TMEM242: variants seen among roughly 807,000 people sequenced by gnomAD.
The protein encoded by TMEM242 is transmembrane protein 242.
Under a neutral mutation model 18.2 loss-of-function variants are expected in TMEM242, and 10 were observed. The observed-to-expected ratio is 0.55, with a 90% CI of 0.34 to 0.93. The LOEUF (loss-of-function observed/expected upper bound fraction) is 0.93, where lower values mean the gene tolerates loss of function less well. TMEM242 is among the 40% of genes least tolerant of loss of function. TMEM242 has a pLI of 0.02. For synonymous variants in TMEM242, 57 were observed against 69.9 expected (o/e 0.81, Z 0.92); for missense variants, 186 against 175.5 (o/e 1.06, Z -0.34).
rs1554249466 is a variant in TMEM242 at position 157,312,867 on chromosome 6, C to A, written c.327+5915G>T. ...ACTCACCTGGCCTCATCATAGTGTC[C>A]CAGTGTGCACTCACCTAGCCTCATC... On this transcript the variant is annotated intron_variant, in intron 3 of 3. Coordinates refer to ENST00000400788, the MANE Select transcript of TMEM242 (RefSeq NM_018452.6). Among the ~76,000 whole-genome samples the A allele has an allele frequency of 4.6e-5, 7 of 151,044 alleles. No homozygotes were observed. The South Asian group carries it at 1.2e-3, about 27-fold the overall frequency.
chr6:157,320,998 CTTTT>C (rs201521248), intron 2 of TMEM242, among the ~76,000 whole-genome samples: 4,658 of 135,590 alleles, frequency 0.034, 123 homozygotes, highest in Admixed American at 0.049. Context: ...TTTCCCATTT[CTTTT>C]TTTTTTTTTC....
At chr6:157,304,418 T>C (rs1777876081) in intron 3 of TMEM242, among the ~76,000 whole-genome samples, 1 of 127,632 alleles carries the variant, frequency 7.8e-6, no homozygotes, top group Non-Finnish European at 1.5e-5. Context: ...TGAGCCAAGA[T>C]TGTGCCACTG....
At chr6:157,310,469 C>G (rs1020629502) in intron 3 of TMEM242, among the ~76,000 whole-genome samples, 9 of 151,710 alleles carry the variant, frequency 5.9e-5, no homozygotes, top group African/African-American at 1.9e-4. Flanking sequence ...TCACAGTGCC[C>G]CAGTGTGTGC....
Position 157,299,994 on chromosome 6 carries a change from TC to T in TMEM242, c.328-6996del. The T allele has an allele frequency of 2.2e-6, 3 of 1,361,824 alleles. No individual in the cohort carries two copies. The South Asian group carries it at 3.5e-5, about 16-fold the overall frequency. 84.4% of individuals were successfully genotyped at this position (1,361,824 alleles called of 1,614,324 possible). ...GAAGTGAAGCGCTCAACAAGCTCAC[TC>T]TTCACGGGGGTGAAGAGCCAGGCGC... On this transcript the variant is annotated intron_variant, in intron 3 of 3. Coordinates refer to ENST00000400788, the MANE Select transcript of TMEM242 (RefSeq NM_018452.6).
intron 3 of TMEM242, among the ~76,000 whole-genome samples, chr6:157,311,446 CAGTGTG>C (rs1778090577): frequency 7.8e-6 from 1 of 127,984 alleles, no homozygotes; most frequent in African/African-American, 2.9e-5. Context: ...CATAGTGTCC[CAGTGTG>C]CAATCACCTG....
At chr6:157,294,162 A>G (rs1045298899) in intron 3 of TMEM242, among the ~76,000 whole-genome samples, 1 of 152,086 alleles carries the variant, frequency 6.6e-6, no homozygotes, top group Non-Finnish European at 1.5e-5. Context: ...TACTAGTAAC[A>G]CACTCCCTGA....
chr6:157,314,830 A>T (rs977636640), intron 3 of TMEM242, among the ~76,000 whole-genome samples: 4 of 152,262 alleles, frequency 2.6e-5, no homozygotes, highest in African/African-American at 7.2e-5. Flanking sequence ...GTTTCACTTT[A>T]AGCATTTTAA....
At chr6:157,308,954 G>A (rs914440615) in intron 3 of TMEM242, among the ~76,000 whole-genome samples, 6 of 152,202 alleles carry the variant, frequency 3.9e-5, no homozygotes, top group Non-Finnish European at 1.5e-5. Flanking sequence ...GCAAGGAGAT[G>A]TATGCCTACA....
chr6:157,313,597 A>C, intron 3 of TMEM242, among the ~76,000 whole-genome samples: 1 of 36,512 alleles, frequency 2.7e-5, no homozygotes, highest in Non-Finnish European at 6.2e-5. Context: ...GCGCTCACCT[A>C]ACCCCATCAT....
At chr6:157,306,485 G>A (rs991629192) in intron 3 of TMEM242, among the ~76,000 whole-genome samples, 14 of 152,158 alleles carry the variant, frequency 9.2e-5, no homozygotes, top group African/African-American at 2.9e-4. Flanking sequence ...TGCTATTCAC[G>A]GGGAGAATGA....
At chr6:157,313,085 C>T (rs1554249605) in intron 3 of TMEM242, among the ~76,000 whole-genome samples, 7 of 124,084 alleles carry the variant, frequency 5.6e-5, no homozygotes, top group East Asian at 2.3e-4. Flanking sequence ...TATGCACTCA[C>T]CTGGCCTCAT....
chr6:157,312,862 G>T (rs1554249458), intron 3 of TMEM242, among the ~76,000 whole-genome samples: 2 of 134,050 alleles, frequency 1.5e-5, no homozygotes, highest in Non-Finnish European at 1.6e-5. Flanking sequence ...CCTCATCATA[G>T]TGTCCCAGTG....
rs1778529512 is a variant in TMEM242 at position 157,323,447 on chromosome 6, G to A, written c.53C>T (p.Pro18Leu). 1 of 1,613,972 alleles carries A rather than the reference G, an allele frequency of 6.2e-7. No homozygotes were observed. The highest frequency in any genetic ancestry group is 1.3e-5 in the African/African-American group (1 of 74,940). The change falls in exon 1 of 4, where the codon CCG (proline) becomes CTG (leucine). Residue 18 changes from proline to leucine, a missense_variant. Pro to Leu is a moderately conservative substitution (Grantham distance 98). Transcript: ENST00000400788. ...GAAAAGCCGGTCATTCGTGGACCCC[G>A]GAGCCTCCAGCCCAGAGGCCGGCTG... ...TGQPASGLEA[P>L]GSTNDRLFLV...
At chr6:157,303,481 TA>T (rs1562379822) in intron 3 of TMEM242, among the ~76,000 whole-genome samples, 1 of 152,142 alleles carries the variant, frequency 6.6e-6, no homozygotes, top group African/African-American at 2.4e-5. Context: ...GTTAAAACAT[TA>T]AAAAACAAAA....
Position 157,318,846 on chromosome 6 carries a change from A to C in TMEM242, c.263T>G (p.Leu88Arg). The C allele has an allele frequency of 6.2e-7, 1 of 1,613,944 alleles. No homozygotes were observed. The highest frequency in any genetic ancestry group is 1.3e-5 in the African/African-American group (1 of 75,060). The change falls in exon 3 of 4, where the codon CTG (leucine) becomes CGG (arginine). Residue 88 changes from leucine to arginine, a missense_variant. Leu to Arg is a moderately radical substitution (Grantham distance 102). Transcript: ENST00000400788. ...LALRALGWGS[L>R]YAWCGVGVIS... ...CACACCAACCCCACACCATGCATAC[A>C]GGGAGCCCCAGCCCAGAGCTCGCAA...
intron 3 of TMEM242, among the ~76,000 whole-genome samples, chr6:157,309,919 C>A (rs1435088075): frequency 2.0e-5 from 3 of 152,144 alleles, no homozygotes; most frequent in African/African-American, 7.2e-5. Context: ...TGAATGCATT[C>A]TCTAGAGGCC....
At chr6:157,312,224 G>T (rs1562384411) in intron 3 of TMEM242, among the ~76,000 whole-genome samples, 3 of 6,448 alleles carry the variant, frequency 4.7e-4, no homozygotes. Flanking sequence ...TCATCATAGT[G>T]CCCCAGTGTA....
chr6:157,317,116 A>C (rs782640839), intron 3 of TMEM242, among the ~76,000 whole-genome samples: 16 of 152,132 alleles, frequency 1.1e-4, no homozygotes, highest in Non-Finnish European at 2.1e-4. Context: ...TAATTCTCCC[A>C]ATGTAAAATA....
intron 3 of TMEM242, among the ~76,000 whole-genome samples, chr6:157,306,613 G>T (rs1246679225): frequency 6.6e-6 from 1 of 152,158 alleles, no homozygotes; most frequent in African/African-American, 2.4e-5. Flanking sequence ...TAGAGCTCAG[G>T]GTGTAAATGA....
Sources: allele counts gnomAD v4.1 joint callset (sites outside exome capture counted in the v4.1 genomes callset), GRCh38; gene constraint gnomAD v4.1.1; transcripts MANE v1.5; gene names NCBI Gene and HGNC (gene_info 2026-07-23, HGNC 2026-07-21).